The following CDKAL1 variants were observed in gnomAD, a reference collection of about 807,000 sequenced individuals.
The protein encoded by CDKAL1 is CDKAL1 threonylcarbamoyladenosine tRNA methylthiotransferase, also known as threonylcarbamoyladenosine tRNA methylthiotransferase.
In CDKAL1, 32 loss-of-function variants were observed where a neutral mutation model predicts 68.2. The observed-to-expected ratio is 0.47, with a 90% CI of 0.35 to 0.63. CDKAL1 has a LOEUF of 0.63. Ranked by LOEUF, CDKAL1 falls within the 30% of genes least tolerant of loss-of-function variation. The pLI, the probability that CDKAL1 is intolerant of heterozygous loss-of-function variation, is 0.00. For synonymous variants in CDKAL1, 234 were observed against 244.3 expected (o/e 0.96, Z 0.39); for missense variants, 606 against 696.7 (o/e 0.87, Z 1.47).
At chr6:21,011,583 A>G (rs1768022922) in intron 11 of CDKAL1, among the ~76,000 whole-genome samples, 1 of 152,150 alleles carries the variant, frequency 6.6e-6, no homozygotes, top group South Asian at 2.1e-4. Flanking sequence ...TCTTTTAGGG[A>G]CGGATATTCT....
intron 5 of CDKAL1, among the ~76,000 whole-genome samples, chr6:20,728,602 A>G (rs1295539610): frequency 3.3e-5 from 5 of 152,228 alleles, no homozygotes; most frequent in Admixed American, 2.0e-4. Context: ...GATGATTTCC[A>G]GTAATGACAC....
At chr6:20,670,939 G>A (rs746882513) in intron 5 of CDKAL1, among the ~76,000 whole-genome samples, 13 of 152,200 alleles carry the variant, frequency 8.5e-5, no homozygotes, top group Non-Finnish European at 1.6e-4. Context: ...ATGTGTGGGT[G>A]TTGAGGTTGT....
At chr6:20,648,087 A>T (rs538224621) in intron 4 of CDKAL1, among the ~76,000 whole-genome samples, 41 of 151,270 alleles carry the variant, frequency 2.7e-4, no homozygotes, top group Admixed American at 7.2e-4. Context: ...AAAAAAAAAA[A>T]ATATTTTTTT....
chr6:20,961,664 G>A (rs1398238662), intron 10 of CDKAL1, among the ~76,000 whole-genome samples: 1 of 151,902 alleles, frequency 6.6e-6, no homozygotes, highest in Non-Finnish European at 1.5e-5. Flanking sequence ...CTACTCTGGA[G>A]GCTGAGGCAG....
intron 9 of CDKAL1, among the ~76,000 whole-genome samples, chr6:20,889,147 T>C (rs1429686626): frequency 6.6e-6 from 1 of 152,074 alleles, no homozygotes. Context: ...TTTCATGTGT[T>C]TTTTGGCTGC....
At chr6:20,956,844 T>G (rs1764799134) in intron 10 of CDKAL1, among the ~76,000 whole-genome samples, 1 of 152,110 alleles carries the variant, frequency 6.6e-6, no homozygotes, top group Admixed American at 6.5e-5. Context: ...ATTTACATTT[T>G]TCTAGCTAGC....
chr6:20,620,023 TA>T (rs1767105496), intron 4 of CDKAL1, among the ~76,000 whole-genome samples: 1 of 152,212 alleles, frequency 6.6e-6, no homozygotes, highest in African/African-American at 2.4e-5. Context: ...TCAATATAGG[TA>T]AATTATCTGT....
At chr6:20,564,484 C>T (rs1764383464) in intron 4 of CDKAL1, among the ~76,000 whole-genome samples, 1 of 152,024 alleles carries the variant, frequency 6.6e-6, no homozygotes, top group African/African-American at 2.4e-5. Context: ...TATTTTTTTA[C>T]ATTTAATTTT....
chr6:20,802,752 T>C (rs1486267872), intron 8 of CDKAL1, among the ~76,000 whole-genome samples: 3 of 152,204 alleles, frequency 2.0e-5, no homozygotes, highest in Non-Finnish European at 2.9e-5. Context: ...ATGCAAAGCA[T>C]TTCTCAGAGC....
intron 15 of CDKAL1, among the ~76,000 whole-genome samples, chr6:21,209,904 G>A (rs1779083870): frequency 6.6e-6 from 1 of 152,126 alleles, no homozygotes; most frequent in African/African-American, 2.4e-5. Context: ...CATTTTCACT[G>A]CACTATTTCC....
At chr6:21,117,201 T>C (rs1022516396) in intron 13 of CDKAL1, among the ~76,000 whole-genome samples, 3 of 152,098 alleles carry the variant, frequency 2.0e-5, no homozygotes, top group Non-Finnish European at 4.4e-5. Flanking sequence ...TAGCACACCA[T>C]CTACTTGGTA....
chr6:20,720,948 G>T (rs61128991), intron 5 of CDKAL1, among the ~76,000 whole-genome samples: 50,720 of 152,058 alleles, frequency 0.33, 10,251 homozygotes, highest in African/African-American at 0.56. Context: ...ATTTCTTTTT[G>T]TTCTTTTTAT....
intron 13 of CDKAL1, among the ~76,000 whole-genome samples, chr6:21,123,949 C>T (rs1774857348): frequency 6.6e-6 from 1 of 152,360 alleles, no homozygotes; most frequent in Admixed American, 6.5e-5. Flanking sequence ...ACACTTCCGT[C>T]TTAGGAATAC....
At chr6:20,609,337 C>T (rs530578138) in intron 4 of CDKAL1, among the ~76,000 whole-genome samples, 4 of 146,800 alleles carry the variant, frequency 2.7e-5, no homozygotes, top group Non-Finnish European at 6.0e-5. Flanking sequence ...CCTCCTCCCT[C>T]TCTTTTCCCT....
At position 20,603,768 on chromosome 6, in the gene CDKAL1, A is replaced by ATTTTTTTTTTT. The variant is rs745786047; in HGVS notation, c.287-45509_287-45499dup. On this transcript the variant is annotated intron_variant, in intron 4 of 15. Coordinates refer to ENST00000274695, the MANE Select transcript of CDKAL1 (RefSeq NM_017774.3). ...ACATTGATTAATGGGCAGTTGCTAA[A>ATTTTTTTTTTT]TTTTTTTTTTTTTTTTTTTTTTTTT... Among the ~76,000 whole-genome samples the ATTTTTTTTTTT allele has an allele frequency of 4.2e-3, 361 of 85,200 alleles. 50 individuals carry two copies. Among genetic ancestry groups the ATTTTTTTTTTT allele is most frequent in the African/African-American group, 0.015 (318 of 21,344 alleles). 55.9% of individuals were successfully genotyped at this position (85,200 alleles called of 152,430 possible).
chr6:20,777,228 A>G (rs1012824273), intron 7 of CDKAL1, among the ~76,000 whole-genome samples: 8 of 152,248 alleles, frequency 5.3e-5, no homozygotes, highest in Non-Finnish European at 8.8e-5. Context: ...AAGAAGAGGC[A>G]CTGAATGATA....
intron 9 of CDKAL1, among the ~76,000 whole-genome samples, chr6:20,908,606 C>T (rs780136573): frequency 7.2e-5 from 11 of 152,006 alleles, no homozygotes; most frequent in Admixed American, 1.3e-4. Context: ...TAAAAAAATA[C>T]GTGGAAACAG....
At chr6:20,610,109 TCA>T (rs1484071567) in intron 4 of CDKAL1, among the ~76,000 whole-genome samples, 1 of 152,210 alleles carries the variant, frequency 6.6e-6, no homozygotes, top group Non-Finnish European at 1.5e-5. Context: ...GGACATGATC[TCA>T]TTCTTTTTTA....
At chr6:21,106,997 C>G (rs4624863) in intron 12 of CDKAL1, among the ~76,000 whole-genome samples, 103,592 of 147,258 alleles carry the variant, frequency 0.7, 37,028 homozygotes, top group East Asian at 0.94. Flanking sequence ...GCTGGAGCTG[C>G]AGTGCAGTGG....
Sources: gnomAD v4.1 joint callset for allele counts (sites outside exome capture counted in the v4.1 genomes callset) on GRCh38, gnomAD v4.1.1 for gene constraint, MANE v1.5 for transcripts, NCBI Gene and HGNC (gene_info 2026-07-23, HGNC 2026-07-21) for gene names.